The following HTR4 variants were observed in gnomAD, a reference collection of about 807,000 sequenced individuals.
The protein encoded by HTR4 is 5-hydroxytryptamine receptor 4.
A neutral mutation model predicts 36.8 loss-of-function variants in HTR4; 16 were observed. The ratio of observed to expected loss-of-function variants is 0.43; its 90% CI spans 0.29 to 0.66. HTR4 has a LOEUF of 0.66. HTR4 is among the 30% of genes least tolerant of loss of function. HTR4 has a pLI of 0.13. For missense variants in HTR4, 438 were observed against 490.9 expected (o/e 0.89, Z 1.02); for synonymous variants, 189 against 185.1 (o/e 1.02, Z -0.17).
At chr5:148,476,908 G>C (rs1755715748), downstream of HTR4, among the ~76,000 whole-genome samples, 3 of 152,190 alleles carry the variant, frequency 2.0e-5, no homozygotes, top group South Asian at 6.2e-4. Flanking sequence ...GGTGGTATTT[G>C]AAATACACTA....
intron 2 of HTR4, among the ~76,000 whole-genome samples, chr5:148,554,743 T>C (rs1759852253): frequency 6.6e-6 from 1 of 152,186 alleles, no homozygotes; most frequent in Admixed American, 6.5e-5. Flanking sequence ...GATTATTTCA[T>C]CATCCATATA....
intron 5 of HTR4, among the ~76,000 whole-genome samples, chr5:148,454,378 A>C (rs1291469570): frequency 6.6e-6 from 1 of 152,214 alleles, no homozygotes; most frequent in Non-Finnish European, 1.5e-5. Context: ...TATTGAGATT[A>C]AAAAGTACCA....
chr5:148,604,298 C>T (rs1293675214), intron 2 of HTR4, among the ~76,000 whole-genome samples: 1 of 151,890 alleles, frequency 6.6e-6, no homozygotes, highest in African/African-American at 2.4e-5. Context: ...AGAAAGAGGT[C>T]ATAACAATAT....
chr5:148,644,042 A>G (rs1753803621), intron 1 of HTR4, among the ~76,000 whole-genome samples: 2 of 152,198 alleles, frequency 1.3e-5, no homozygotes, highest in Non-Finnish European at 2.9e-5. Flanking sequence ...TGTAAAAATG[A>G]AAAGCCTGGA....
At chr5:148,558,146 T>TA (rs1418028670) in intron 2 of HTR4, among the ~76,000 whole-genome samples, 1 of 152,084 alleles carries the variant, frequency 6.6e-6, no homozygotes, top group African/African-American at 2.4e-5. Flanking sequence ...ACATTTAAAT[T>TA]AAAGAAAATA....
chr5:148,485,805 G>A, intron 6 of HTR4, among the ~76,000 whole-genome samples: 1 of 152,202 alleles, frequency 6.6e-6, no homozygotes, highest in East Asian at 1.9e-4. Context: ...AAGGCGAAAA[G>A]ATCAGAGCTA....
At chr5:148,650,946 G>C (rs77095636) in intron 1 of HTR4, among the ~76,000 whole-genome samples, 18,024 of 152,114 alleles carry the variant, frequency 0.12, 1,335 homozygotes, top group Non-Finnish European at 0.17. Context: ...TTCATGCAAG[G>C]CACTATAATA....
chr5:148,612,604 T>A (rs1408263826), intron 2 of HTR4, among the ~76,000 whole-genome samples: 1 of 101,418 alleles, frequency 9.9e-6, no homozygotes, highest in Non-Finnish European at 2.0e-5. Context: ...CACCCTAACA[T>A]CACAATTAAA....
chr5:148,553,134 G>A (rs1759778675), intron 2 of HTR4, among the ~76,000 whole-genome samples: 1 of 152,140 alleles, frequency 6.6e-6, no homozygotes, highest in African/African-American at 2.4e-5. Context: ...ACAGCAATAA[G>A]CAAAACAGAG....
chr5:148,641,844 C>T (rs1274589929), intron 1 of HTR4, among the ~76,000 whole-genome samples: 1 of 152,152 alleles, frequency 6.6e-6, no homozygotes, highest in Admixed American at 6.5e-5. Flanking sequence ...TGCTGTGGAA[C>T]AGTCATTAAT....
intron 1 of HTR4, among the ~76,000 whole-genome samples, chr5:148,653,610 C>CTA: frequency 1.9e-5 from 1 of 52,842 alleles, no homozygotes; most frequent in South Asian, 6.9e-4. Context: ...CTCTCTCTAA[C>CTA]ACACACACAC....
intron 6 of HTR4, among the ~76,000 whole-genome samples, chr5:148,505,397 C>A (rs1164093238): frequency 6.6e-6 from 1 of 152,100 alleles, no homozygotes; most frequent in Non-Finnish European, 1.5e-5. Flanking sequence ...CTATTTATGA[C>A]AAACCCACAG....
chr5:148,522,054 G>A (rs1195511443), intron 5 of HTR4, among the ~76,000 whole-genome samples: 1 of 152,120 alleles, frequency 6.6e-6, no homozygotes, highest in Non-Finnish European at 1.5e-5. Context: ...CTTTTCTCGT[G>A]GTAGTGAATA....
chr5:148,504,252 C>G (rs184887162), intron 6 of HTR4, among the ~76,000 whole-genome samples: 102 of 152,294 alleles, frequency 6.7e-4, no homozygotes, highest in African/African-American at 2.4e-3. Flanking sequence ...AAGTAAAACA[C>G]TCTTCAGCAA....
chr5:148,509,531 T>A lies in HTR4; in HGVS notation c.1001A>T (p.Tyr334Phe). ...LIILCCDDER[Y>F]RRPSILGQTV... Reference sequence around the variant, plus strand: ...CTGGCCCAGAATGGAAGGTCTTCGGTAGCGCTCATCATCACAGCAGAGGAT... The same window carrying A: ...CTGGCCCAGAATGGAAGGTCTTCGGAAGCGCTCATCATCACAGCAGAGGAT... Residue 334 changes from tyrosine (Y) to phenylalanine (F), a missense_variant, in exon 6 of 7, where the codon TAC becomes TTC. Coordinates refer to ENST00000377888, the MANE Select transcript of HTR4 (RefSeq NM_000870.7). 2.5e-6 allele frequency: 4 copies of A among 1,614,040 alleles called. No homozygotes were observed. The highest frequency in any genetic ancestry group is 3.4e-6 in the Non-Finnish European group (4 of 1,179,994).
chr5:148,544,540 C>G (rs1759290638), intron 4 of HTR4, among the ~76,000 whole-genome samples: 1 of 152,038 alleles, frequency 6.6e-6, no homozygotes, highest in Non-Finnish European at 1.5e-5. Flanking sequence ...AAAACTAGTA[C>G]TCTATCATGA....
At chr5:148,588,925 T>G (rs1487404933) in intron 2 of HTR4, among the ~76,000 whole-genome samples, 2 of 152,096 alleles carry the variant, frequency 1.3e-5, no homozygotes, top group Non-Finnish European at 2.9e-5. Flanking sequence ...CTATTTTAAA[T>G]GTTTTTATGT....
chr5:148,472,529 A>G (rs955567342), downstream of HTR4, among the ~76,000 whole-genome samples: 89 of 152,236 alleles, frequency 5.8e-4, no homozygotes, highest in African/African-American at 2.0e-3. Context: ...TTATGTGGAG[A>G]TAGCTAATTT....
intron 2 of HTR4, among the ~76,000 whole-genome samples, chr5:148,611,986 A>C (rs1183793700): frequency 5.9e-5 from 9 of 152,278 alleles, no homozygotes; most frequent in African/African-American, 1.9e-4. Flanking sequence ...AACTATTCTA[A>C]ATATATATGC....
Sources: allele counts gnomAD v4.1 joint callset (sites outside exome capture counted in the v4.1 genomes callset), GRCh38; gene constraint gnomAD v4.1.1; transcripts MANE v1.5; gene names NCBI Gene and HGNC (gene_info 2026-07-23, HGNC 2026-07-21).